The following GRID2 variants were observed in gnomAD, a reference collection of about 807,000 sequenced individuals.
The protein encoded by GRID2 is glutamate ionotropic receptor delta type subunit 2.
In GRID2, 33 loss-of-function variants were observed where a neutral mutation model predicts 114.8. That is an observed-to-expected ratio of 0.29 (90% CI 0.22 to 0.38). The LOEUF (loss-of-function observed/expected upper bound fraction) is 0.38. GRID2 is among the 10% of genes least tolerant of loss of function. The probability of loss-of-function intolerance (pLI) is 1.00; values close to 1 mark genes in which losing one functional copy is unlikely to be tolerated. For missense variants in GRID2, 1,184 were observed against 1,257.7 expected (o/e 0.94, Z 0.89); for synonymous variants, 505 against 449.9 (o/e 1.12, Z -1.55).
intron 8 of GRID2, among the ~76,000 whole-genome samples, chr4:93,295,585 T>TTCC (rs377733265): frequency 3.3e-5 from 5 of 151,586 alleles, no homozygotes; most frequent in East Asian, 1.9e-4. Context: ...ATATCTCCTC[T>TTCC]TCCTCCTCCT....
At chr4:93,306,071 G>C (rs1208627460) in intron 8 of GRID2, 1 of 152,108 alleles carries the variant, frequency 6.6e-6, no homozygotes, top group African/African-American at 2.4e-5. Context: ...CTTTGTTAAC[G>C]TTACGATTTT....
chr4:93,257,494 C>T (rs10034829), intron 8 of GRID2, among the ~76,000 whole-genome samples: 107,775 of 151,446 alleles, frequency 0.71, 39,166 homozygotes, highest in Middle Eastern at 0.86. Context: ...TTTCCTTATA[C>T]AGACTATTAA....
intron 2 of GRID2, among the ~76,000 whole-genome samples, chr4:93,018,595 T>C (rs568791019): frequency 1.4e-4 from 21 of 152,238 alleles, no homozygotes; most frequent in Non-Finnish European, 8.8e-5. Context: ...GAATATAAAA[T>C]AGCACAATTC....
chr4:93,473,537 A>G (rs1412930510), intron 11 of GRID2, among the ~76,000 whole-genome samples: 1 of 152,188 alleles, frequency 6.6e-6, no homozygotes, highest in Non-Finnish European at 1.5e-5. Context: ...GACATAAAAC[A>G]TGACAACTCT....
intron 14 of GRID2, among the ~76,000 whole-genome samples, chr4:93,756,995 G>A (rs1732803226): frequency 1.3e-5 from 2 of 152,190 alleles, no homozygotes; most frequent in South Asian, 4.1e-4. Context: ...TCAAGGCAGT[G>A]TATGGTTCAA....
At chr4:92,913,134 T>G (rs943193784) in intron 2 of GRID2, among the ~76,000 whole-genome samples, 2 of 151,834 alleles carry the variant, frequency 1.3e-5, no homozygotes, top group African/African-American at 4.8e-5. Flanking sequence ...TTTCTGTACT[T>G]CTCATAAAAC....
At chr4:92,676,794 T>A (rs1168952185) in intron 2 of GRID2, among the ~76,000 whole-genome samples, 3 of 152,200 alleles carry the variant, frequency 2.0e-5, no homozygotes, top group African/African-American at 7.2e-5. Context: ...ATAAGTGAAA[T>A]CATGGCCTCA....
intron 1 of GRID2, among the ~76,000 whole-genome samples, chr4:92,564,188 G>A (rs879275138): frequency 6.6e-6 from 1 of 151,950 alleles, no homozygotes; most frequent in South Asian, 2.1e-4. Context: ...TAATACTTAG[G>A]TTTCATCCAT....
chr4:93,628,602 GAA>G (rs1189619869), intron 14 of GRID2, among the ~76,000 whole-genome samples: 1 of 152,098 alleles, frequency 6.6e-6, no homozygotes. Flanking sequence ...ATAATAGAAT[GAA>G]AAGGGATCCA....
chr4:93,163,564 GT>G (rs112875511), intron 4 of GRID2, among the ~76,000 whole-genome samples: 116 of 138,028 alleles, frequency 8.4e-4, no homozygotes, highest in Middle Eastern at 3.7e-3. Context: ...GCACTTGCCA[GT>G]TTTTTTTTTT....
intron 2 of GRID2, among the ~76,000 whole-genome samples, chr4:92,600,032 G>GTATATATAAATATATATA (rs1729133003): frequency 1.4e-5 from 1 of 73,022 alleles, no homozygotes; most frequent in African/African-American, 5.3e-5. Flanking sequence ...GTATGTGTGT[G>GTATATATAAATATATATA]TGTGTGTGTG....
At chr4:93,337,168 C>T (rs1759176406) in intron 8 of GRID2, among the ~76,000 whole-genome samples, 1 of 151,940 alleles carries the variant, frequency 6.6e-6, no homozygotes, top group Admixed American at 6.6e-5. Flanking sequence ...GAGATAAACA[C>T]GAAGAAAGTA....
intron 1 of GRID2, among the ~76,000 whole-genome samples, chr4:92,444,235 C>T (rs534651063): frequency 5.8e-4 from 88 of 152,198 alleles, no homozygotes; most frequent in African/African-American, 2.1e-3. Flanking sequence ...GACCACCAAA[C>T]AGGCTTTGTG....
At chr4:92,553,512 T>A (rs1726699136) in intron 1 of GRID2, among the ~76,000 whole-genome samples, 1 of 152,176 alleles carries the variant, frequency 6.6e-6, no homozygotes, top group Non-Finnish European at 1.5e-5. Flanking sequence ...ATTTGATTTA[T>A]AGGTATTTTT....
chr4:93,000,214 G>C (rs1294288842), intron 2 of GRID2, among the ~76,000 whole-genome samples: 2 of 151,624 alleles, frequency 1.3e-5, no homozygotes, highest in Admixed American at 1.3e-4. Context: ...ATATGTATTA[G>C]TGAGAATAGT....
chr4:92,974,835 TAAAC>T (rs1309626928), intron 2 of GRID2, among the ~76,000 whole-genome samples: 5 of 151,460 alleles, frequency 3.3e-5, no homozygotes, highest in Non-Finnish European at 5.9e-5. Flanking sequence ...AAAGTATAAT[TAAAC>T]AAACAAAACA....
At chr4:92,470,965 A>G (rs2149095550) in intron 1 of GRID2, among the ~76,000 whole-genome samples, 1 of 151,318 alleles carries the variant, frequency 6.6e-6, no homozygotes, top group Middle Eastern at 3.4e-3. Context: ...GTCTACATAC[A>G]GTATTATTGG....
intron 8 of GRID2, among the ~76,000 whole-genome samples, chr4:93,277,412 C>A (rs1752170260): frequency 6.6e-6 from 1 of 151,758 alleles, no homozygotes; most frequent in African/African-American, 2.4e-5. Flanking sequence ...AAAGATATTT[C>A]AATTTAATTT....
At chr4:93,038,984 T>C (rs911366883) in intron 2 of GRID2, among the ~76,000 whole-genome samples, 1 of 152,064 alleles carries the variant, frequency 6.6e-6, no homozygotes, top group East Asian at 1.9e-4. Flanking sequence ...ACCCGAAGGA[T>C]TATAAATCAT....
Sources: allele counts gnomAD v4.1 joint callset (sites outside exome capture counted in the v4.1 genomes callset), GRCh38; gene constraint gnomAD v4.1.1; transcripts MANE v1.5; gene names NCBI Gene and HGNC (gene_info 2026-07-23, HGNC 2026-07-21).